The following BICRAL variants were observed in gnomAD, a reference collection of about 807,000 sequenced individuals.
The protein encoded by BICRAL is BICRA like chromatin remodeling complex associated protein.
A neutral mutation model predicts 91.8 loss-of-function variants in BICRAL; 8 were observed. The ratio of observed to expected loss-of-function variants is 0.09; its 90% CI spans 0.05 to 0.16. The LOEUF (loss-of-function observed/expected upper bound fraction) is 0.16, where lower values mean the gene tolerates loss of function less well. Ranked by LOEUF, BICRAL falls within the 10% of genes least tolerant of loss-of-function variation. The pLI, the probability that BICRAL is intolerant of heterozygous loss-of-function variation, is 1.00. For synonymous variants in BICRAL, 445 were observed against 491.1 expected, an observed-to-expected ratio of 0.91 and a Z score of 1.24; for missense variants, 1,038 against 1,310.9, an observed-to-expected ratio of 0.79 and a Z score of 3.21.
intron 6 of BICRAL, among the ~76,000 whole-genome samples, chr6:42,835,433 A>G (rs1005768799): frequency 2.3e-4 from 35 of 151,718 alleles, no homozygotes; most frequent in African/African-American, 8.0e-4. Context: ...CTGGCCTGTA[A>G]CTCCCTTTTC....
intron 1 of BICRAL, among the ~76,000 whole-genome samples, chr6:42,784,059 AAAAC>A (rs1381996709): frequency 6.6e-6 from 1 of 152,218 alleles, no homozygotes; most frequent in Non-Finnish European, 1.5e-5. Flanking sequence ...GTTTTACTCT[AAAAC>A]AACCCTGAGG....
chr6:42,751,480 A>G (rs1170175057), intron 1 of BICRAL, among the ~76,000 whole-genome samples: 2 of 152,162 alleles, frequency 1.3e-5, no homozygotes, highest in Non-Finnish European at 2.9e-5. Flanking sequence ...TTGTAGTTAC[A>G]TGCCTCAAGA....
chr6:42,793,399 G>A (rs1280864049), intron 1 of BICRAL, among the ~76,000 whole-genome samples: 15 of 137,870 alleles, frequency 1.1e-4, no homozygotes, highest in Non-Finnish European at 3.1e-5. Context: ...TGATCCACCC[G>A]CCTCGGCCTC....
At chr6:42,823,927 CAATA>C (rs917558713) in intron 5 of BICRAL, among the ~76,000 whole-genome samples, 6 of 150,840 alleles carry the variant, frequency 4.0e-5, no homozygotes, top group Non-Finnish European at 8.9e-5. Flanking sequence ...CCATCTCAAA[CAATA>C]AATAAATAAA....
intron 5 of BICRAL, among the ~76,000 whole-genome samples, chr6:42,825,365 C>G (rs958086142): frequency 6.6e-6 from 1 of 150,702 alleles, no homozygotes; most frequent in Non-Finnish European, 1.5e-5. Context: ...GAGATCAAAA[C>G]CATCCTGGCT....
chr6:42,864,633 A>C, intron 12 of BICRAL, 26 bp from the exon 13 acceptor site: 1 of 1,593,158 alleles, frequency 6.3e-7, no homozygotes, highest in Middle Eastern at 1.7e-4. Context: ...ATCACTCACT[A>C]ATGTTCTTTT....
At chr6:42,824,139 G>A (rs1217434404) in intron 5 of BICRAL, among the ~76,000 whole-genome samples, 3 of 151,854 alleles carry the variant, frequency 2.0e-5, no homozygotes, top group Non-Finnish European at 4.4e-5. Context: ...GCTGAGGCAG[G>A]AGAATCGCTT....
At chr6:42,812,477 A>C (rs781749001) in intron 2 of BICRAL, among the ~76,000 whole-genome samples, 1 of 152,188 alleles carries the variant, frequency 6.6e-6, no homozygotes, top group Admixed American at 6.6e-5. Flanking sequence ...GTTCAAGAAA[A>C]TAGTGGAAAG....
intron 2 of BICRAL, among the ~76,000 whole-genome samples, chr6:42,817,514 C>T (rs545477687): frequency 2.5e-4 from 37 of 150,482 alleles, no homozygotes; most frequent in African/African-American, 7.8e-4. Context: ...CTGGCTCTGT[C>T]GCTTTGGCTG....
intron 6 of BICRAL, among the ~76,000 whole-genome samples, chr6:42,833,084 C>T (rs1304614546): frequency 6.8e-6 from 1 of 146,502 alleles, no homozygotes; most frequent in Non-Finnish European, 1.5e-5. Flanking sequence ...GAGATGGAGT[C>T]TCGCTCTGTT....
At chr6:42,783,765 C>T (rs374970103) in intron 1 of BICRAL, among the ~76,000 whole-genome samples, 1 of 152,242 alleles carries the variant, frequency 6.6e-6, no homozygotes, top group East Asian at 1.9e-4. Flanking sequence ...GGGGGTCGAG[C>T]CTCGCGGCTG....
At chr6:42,837,812 C>T (rs1439672501) in intron 6 of BICRAL, among the ~76,000 whole-genome samples, 2 of 151,976 alleles carry the variant, frequency 1.3e-5, no homozygotes, top group African/African-American at 4.8e-5. Flanking sequence ...TGAAGAGTTT[C>T]CCTCCTCGTC....
At chr6:42,840,870 T>A (rs910162211) in intron 6 of BICRAL, among the ~76,000 whole-genome samples, 8 of 151,440 alleles carry the variant, frequency 5.3e-5, no homozygotes, top group Non-Finnish European at 1.2e-4. Flanking sequence ...GGTCAGGAGT[T>A]CAAGACTAGC....
intron 1 of BICRAL, among the ~76,000 whole-genome samples, chr6:42,770,415 T>TTA (rs1562453031): frequency 6.5e-4 from 66 of 101,144 alleles, no homozygotes; most frequent in South Asian, 4.1e-3. Flanking sequence ...TATTATTATT[T>TTA]TTTTTTTTTT....
At chr6:42,771,902 G>T (rs921324591) in intron 1 of BICRAL, among the ~76,000 whole-genome samples, 1 of 152,082 alleles carries the variant, frequency 6.6e-6, no homozygotes, top group Non-Finnish European at 1.5e-5. Context: ...TCCAATATTC[G>T]CATTTCTGCA....
intron 1 of BICRAL, among the ~76,000 whole-genome samples, chr6:42,783,862 T>G (rs1763018510): frequency 6.6e-6 from 1 of 152,236 alleles, no homozygotes; most frequent in African/African-American, 2.4e-5. Flanking sequence ...TCCTGCGGTC[T>G]GAGAGTGGAC....
In BICRAL at chr6:42,749,321, A is replaced by T. The variant is rs540739607; in HGVS notation, c.-261+2298A>T. On this transcript the variant is annotated intron_variant, in intron 1 of 14. Coordinates refer to the BICRAL transcript ENST00000614467. ...AAAAATATCACATGTTCTCACTCGTATGTGGGAACTGAAAAAGTTGATCAT... is the reference window on the plus strand; with the variant it reads ...AAAAATATCACATGTTCTCACTCGTTTGTGGGAACTGAAAAAGTTGATCAT... Among the ~76,000 whole-genome samples, 16 of 152,338 alleles carry T rather than the reference A, an allele frequency of 1.1e-4. No individual in the cohort carries two copies. The South Asian group carries it at 3.3e-3, about 32-fold the overall frequency.
Position 42,822,926 on chromosome 6 carries a change from T to C in BICRAL, c.91-9T>C, listed in dbSNP as rs759789865. ...GTAGTAACCACCTATTGAATTTGTATCTTTGCAGAGCAATGATGACTTGAC... is the reference window on the plus strand; with the variant it reads ...GTAGTAACCACCTATTGAATTTGTACCTTTGCAGAGCAATGATGACTTGAC... On this transcript the variant is annotated splice_polypyrimidine_tract_variant and intron_variant, in intron 4 of 12. Transcript: ENST00000314073. 17 of 1,603,164 alleles carry C rather than the reference T, an allele frequency of 1.1e-5. No individual in the cohort carries two copies. The South Asian group carries it at 1.9e-4, about 18-fold the overall frequency.
intron 1 of BICRAL, among the ~76,000 whole-genome samples, chr6:42,775,350 C>G (rs962371046): frequency 6.6e-6 from 1 of 152,226 alleles, no homozygotes; most frequent in Non-Finnish European, 1.5e-5. Flanking sequence ...GACTGACTTT[C>G]TCACTAAGCT....
Sources: allele counts gnomAD v4.1 joint callset (sites outside exome capture counted in the v4.1 genomes callset), GRCh38; gene constraint gnomAD v4.1.1; transcripts MANE v1.5; gene names NCBI Gene and HGNC (gene_info 2026-07-23, HGNC 2026-07-21).